Variants in SLCO2B1 observed in about 807,000 individuals in gnomAD.
SLCO2B1 encodes OATP-RP2.
Under a neutral mutation model 67.3 loss-of-function variants are expected in SLCO2B1, and 41 were observed. The observed-to-expected ratio is 0.61, with a 90% CI of 0.47 to 0.79. The LOEUF is 0.79. SLCO2B1 is among the 30% of genes least tolerant of loss of function. The pLI is 0.00. For synonymous variants in SLCO2B1, 379 were observed against 381.4 expected (o/e 0.99, Z 0.07); for missense variants, 837 against 920.1 (o/e 0.91, Z 1.17).
chr11:75,182,283 G>A (rs2140326503), intron 7 of SLCO2B1, among the ~76,000 whole-genome samples: 1 of 152,324 alleles, frequency 6.6e-6, no homozygotes, highest in East Asian at 1.9e-4. Context: ...GACTGACACA[G>A]GGAGACTAGA....
In SLCO2B1 at chr11:75,202,919, C is replaced by T. The variant is rs199755341; in HGVS notation, c.1782C>T (p.Asp594=). 2 of 1,613,750 alleles carry T rather than the reference C, an allele frequency of 1.2e-6. No homozygotes were observed. ...TTGTTAGAGGAGTGAAGAAAGAAGACAAGACTTTGGCTGTGGGCATCCAGT... is the reference window on the plus strand; with the variant it reads ...TTGTTAGAGGAGTGAAGAAAGAAGATAAGACTTTGGCTGTGGGCATCCAGT... ...MLILRGVKKE[D]KTLAVGIQFM... The change falls in exon 12 of 14, where the codon GAC becomes GAT. Residue 594 remains aspartate (D), a synonymous_variant. Coordinates refer to ENST00000289575, the MANE Select transcript of SLCO2B1 (RefSeq NM_007256.5).
intron 7 of SLCO2B1, among the ~76,000 whole-genome samples, chr11:75,182,819 T>C (rs1950106220): frequency 6.6e-6 from 1 of 152,286 alleles, no homozygotes; most frequent in African/African-American, 2.4e-5. Context: ...TTCTACTCTT[T>C]ATGAGAACAA....
chr11:75,169,488 G>A, intron 5 of SLCO2B1, 82 bp downstream of exon 5: 1 of 1,361,506 alleles, frequency 7.3e-7, no homozygotes, highest in Non-Finnish European at 1.0e-6. Flanking sequence ...GTTGGGGCTG[G>A]AGATGGAATC....
intron 1 of SLCO2B1, among the ~76,000 whole-genome samples, chr11:75,162,340 G>C (rs1438634243): frequency 6.6e-6 from 1 of 152,180 alleles, no homozygotes; most frequent in Non-Finnish European, 1.5e-5. Context: ...CTGCAGGTGT[G>C]TTGTGTAGAG....
chr11:75,182,241 CA>C (rs1950099933), intron 7 of SLCO2B1, among the ~76,000 whole-genome samples: 1 of 152,224 alleles, frequency 6.6e-6, no homozygotes, highest in African/African-American at 2.4e-5. Flanking sequence ...CCTCCTGTTC[CA>C]AACCCCATGC....
intron 5 of SLCO2B1, 92 bp from the exon 6 acceptor site, chr11:75,169,574 C>A: frequency 1.6e-6 from 2 of 1,254,388 alleles, no homozygotes; most frequent in Non-Finnish European, 2.3e-6. Flanking sequence ...CCAGGGGAGA[C>A]AGAGTGTTCT....
In SLCO2B1 at chr11:75,192,249, T is replaced by C. The variant is rs116620978; in HGVS notation, c.1076-969T>C. Reference sequence around the variant, plus strand: ...GATCACATATTAGTCCATATATCCATTCATTCCTTCCTTCATTCCATGAAT... The same window carrying C: ...GATCACATATTAGTCCATATATCCACTCATTCCTTCCTTCATTCCATGAAT... On this transcript the variant is annotated intron_variant, in intron 8 of 13. Transcript: ENST00000289575. Among the ~76,000 whole-genome samples, 1,254 of 152,340 alleles carry C rather than the reference T, an allele frequency of 8.2e-3. 15 individuals carry two copies. Among genetic ancestry groups the C allele is most frequent in the African/African-American group, 0.028 (1,183 of 41,562 alleles).
intron 4 of SLCO2B1, 132 bp downstream of exon 4, chr11:75,166,081 C>A (rs918457153): frequency 1.8e-6 from 2 of 1,122,782 alleles, no homozygotes; most frequent in South Asian, 1.7e-5. Context: ...GCTGCTAGTC[C>A]CCCCCCAACC....
chr11:75,159,277 C>A (rs1386655396), intron 1 of SLCO2B1, among the ~76,000 whole-genome samples: 1 of 152,236 alleles, frequency 6.6e-6, no homozygotes, highest in Admixed American at 6.5e-5. Flanking sequence ...CTGTGGGTCC[C>A]TAGCCCCTGG....
In SLCO2B1 at chr11:75,172,320, G is replaced by A. The variant is rs577234578; in HGVS notation, c.782-59G>A. On this transcript the variant is annotated intron_variant, in intron 6 of 13. Coordinates refer to ENST00000289575, the MANE Select transcript of SLCO2B1 (RefSeq NM_007256.5). ...TCTCAGAGGCCAGTCCCAGGATGGCGGCTTAGAAGTGACAGCCTATCATCC... is the reference window on the plus strand; with the variant it reads ...TCTCAGAGGCCAGTCCCAGGATGGCAGCTTAGAAGTGACAGCCTATCATCC... 140 of 1,492,092 alleles carry A rather than the reference G, an allele frequency of 9.4e-5. No individual in the cohort carries two copies. In the South Asian group the frequency reaches 9.5e-4, roughly 10 times the overall value. The allele number at this position is 1,492,092 out of a possible 1,614,324, so 92.4% of individuals were successfully genotyped here. A position where few individuals can be genotyped will look rare whatever the true frequency, so the allele number is the denominator to read the frequency against.
intron 1 of SLCO2B1, among the ~76,000 whole-genome samples, chr11:75,156,537 T>C (rs904505241): frequency 6.6e-6 from 1 of 152,096 alleles, no homozygotes; most frequent in African/African-American, 2.4e-5. Flanking sequence ...GGGAGGTGTC[T>C]GCCATTATCA....
chr11:75,186,212 A>ATT (rs761648712), intron 7 of SLCO2B1, among the ~76,000 whole-genome samples: 4 of 142,260 alleles, frequency 2.8e-5, no homozygotes, highest in Non-Finnish European at 6.2e-5. Context: ...CACCTGGCTG[A>ATT]TTTTTTTTTT....
At chr11:75,166,101 A>T in intron 4 of SLCO2B1, 152 bp downstream of exon 4, 1 of 941,202 alleles carries the variant, frequency 1.1e-6, no homozygotes, top group Non-Finnish European at 1.5e-6. Context: ...CTGGCTCCCC[A>T]GGCCCCAGCC....
intron 7 of SLCO2B1, 132 bp downstream of exon 7, chr11:75,172,701 G>A (rs1249934699): frequency 1.2e-5 from 9 of 749,256 alleles, no homozygotes; most frequent in East Asian, 2.7e-5. Context: ...AGGCCAAGGC[G>A]GTTGGATCAC....
intron 10 of SLCO2B1, among the ~76,000 whole-genome samples, chr11:75,197,938 C>T (rs1565550652): frequency 6.6e-6 from 1 of 152,190 alleles, no homozygotes; most frequent in Admixed American, 6.5e-5. Flanking sequence ...TTCTCAGGCC[C>T]CCAGGCTGTA....
At chr11:75,175,957 G>A (rs575577927) in intron 7 of SLCO2B1, among the ~76,000 whole-genome samples, 18 of 152,262 alleles carry the variant, frequency 1.2e-4, no homozygotes, top group Non-Finnish European at 2.5e-4. Context: ...GGGGACAGGA[G>A]CCCTACTTTC....
chr11:75,200,453 G>T lies in SLCO2B1; in HGVS notation c.1763+66G>T, dbSNP rs887308485. 5 of 1,472,532 alleles carry T rather than the reference G, an allele frequency of 3.4e-6. No individual in the cohort carries two copies. In the Admixed American group the frequency reaches 1.0e-4, roughly 31 times the overall value. 91.2% of individuals were successfully genotyped at this position (1,472,532 alleles called of 1,614,324 possible). A position where few individuals can be genotyped will look rare whatever the true frequency, so the allele number is the denominator to read the frequency against. ...GGTCCTTAACCACAGGCAGAACAAGGAATTCCAAGGACGGAGTTCAAGAAA... is the reference window on the plus strand; with the variant it reads ...GGTCCTTAACCACAGGCAGAACAAGTAATTCCAAGGACGGAGTTCAAGAAA... On this transcript the variant is annotated intron_variant, in intron 11 of 13. Transcript: ENST00000289575.
chr11:75,204,331 T>A, intron 13 of SLCO2B1, 69 bp from the exon 14 acceptor site: 1 of 1,440,170 alleles, frequency 6.9e-7, no homozygotes, highest in Non-Finnish European at 9.4e-7. Context: ...TCACAATGAG[T>A]GATGACTGCT....
chr11:75,156,850 T>G (rs963293400), intron 1 of SLCO2B1, among the ~76,000 whole-genome samples: 12 of 152,212 alleles, frequency 7.9e-5, no homozygotes, highest in African/African-American at 2.9e-4. Context: ...TGCCATGGCA[T>G]TTGTAAACTG....
Sources: allele counts gnomAD v4.1 joint callset (sites outside exome capture counted in the v4.1 genomes callset), GRCh38; gene constraint gnomAD v4.1.1; transcripts MANE v1.5; gene names NCBI Gene and HGNC (gene_info 2026-07-23, HGNC 2026-07-21).